The following ARID1B variants were observed in gnomAD, a reference collection of about 807,000 sequenced individuals.
The protein encoded by ARID1B is AT-rich interactive domain-containing protein 1B.
Under a neutral mutation model 212.3 loss-of-function variants are expected in ARID1B, and 30 were observed. That is an observed-to-expected ratio of 0.14 (90% CI 0.11 to 0.19). ARID1B has a LOEUF of 0.19. Ranked by LOEUF, ARID1B falls within the 10% of genes least tolerant of loss-of-function variation. The pLI is 1.00. For missense variants in ARID1B, 2,891 were observed against 3,204.0 expected (o/e 0.90, Z 2.36); for synonymous variants, 1,402 against 1,301.7 (o/e 1.08, Z -1.66).
intron 4 of ARID1B, among the ~76,000 whole-genome samples, chr6:157,067,892 A>G (rs1294086632): frequency 6.6e-6 from 1 of 152,194 alleles, no homozygotes; most frequent in Non-Finnish European, 1.5e-5. Context: ...TTAATTCCAC[A>G]GTCAACAATT....
intron 2 of ARID1B, among the ~76,000 whole-genome samples, chr6:156,882,452 A>G (rs1583208906): frequency 6.6e-6 from 1 of 152,206 alleles, no homozygotes; most frequent in East Asian, 1.9e-4. Context: ...ATTGCACAAT[A>G]AAGTATCAGT....
chr6:157,034,173 C>T (rs1001515595), intron 4 of ARID1B, among the ~76,000 whole-genome samples: 11 of 152,254 alleles, frequency 7.2e-5, no homozygotes, highest in Admixed American at 3.3e-4. Context: ...TTATTTTTGA[C>T]TGTATAATGG....
intron 8 of ARID1B, among the ~76,000 whole-genome samples, chr6:157,161,429 G>GTGTGTA (rs1790925997): frequency 3.7e-5 from 5 of 134,024 alleles, no homozygotes; most frequent in Admixed American, 3.6e-4. Flanking sequence ...GATTGTGTGT[G>GTGTGTA]TGTATATATA....
rs150201612 is a variant in ARID1B at position 156,816,035 on chromosome 6, G to A, written c.1792-13192G>A. On this transcript the variant is annotated intron_variant, in intron 1 of 19. Coordinates refer to ENST00000636930, the MANE Select transcript of ARID1B (RefSeq NM_001374828.1). Reference sequence around the variant, plus strand: ...TTATGAATCTTGAAGAATGGTGTGCGCTTTATACACATTTACCATTCTTAA... The same window carrying A: ...TTATGAATCTTGAAGAATGGTGTGCACTTTATACACATTTACCATTCTTAA... Among the ~76,000 whole-genome samples the A allele has an allele frequency of 4.6e-5, 7 of 152,118 alleles. No homozygotes were observed. The East Asian group carries it at 1.2e-3, about 25-fold the overall frequency.
intron 8 of ARID1B, among the ~76,000 whole-genome samples, chr6:157,161,142 CA>C (rs1263738312): frequency 6.6e-6 from 1 of 152,152 alleles, no homozygotes; most frequent in Non-Finnish European, 1.5e-5. Context: ...TCTCCCTGAG[CA>C]AAAGGGGTAG....
rs778592386 is a variant in ARID1B, at chr6:156,974,486, GAGA to G, written c.2247+38917_2247+38919del. Among the ~76,000 whole-genome samples, 9 of 152,282 alleles carry G rather than the reference GAGA, an allele frequency of 5.9e-5. No homozygotes were observed. In the South Asian group the frequency reaches 8.3e-4, roughly 14 times the overall value. On this transcript the variant is annotated intron_variant, in intron 4 of 19. Transcript: ENST00000636930. ...ACTGTTGTAATTTTGTTTAAGATTG[GAGA>G]AGAAGAGAAAGGTTAAATTGTTCCT...
intron 4 of ARID1B, among the ~76,000 whole-genome samples, chr6:156,946,467 G>A (rs1481255925): frequency 6.6e-6 from 1 of 152,212 alleles, no homozygotes; most frequent in East Asian, 1.9e-4. Context: ...AGGGCTTCCT[G>A]ACATCTATGT....
chr6:156,901,230 ATTTG>A (rs1273605554), intron 2 of ARID1B, 142 bp from the exon 3 acceptor site: 20 of 939,112 alleles, frequency 2.1e-5, no homozygotes, highest in Non-Finnish European at 3.2e-5. Context: ...CAGCGTGTCG[ATTTG>A]TTTAAGGAAG....
intron 8 of ARID1B, among the ~76,000 whole-genome samples, chr6:157,163,482 A>G (rs1227805150): frequency 1.3e-5 from 2 of 151,770 alleles, no homozygotes; most frequent in African/African-American, 4.8e-5. Flanking sequence ...AATTACCAAG[A>G]CTCTTGGCAG....
rs1554247039 is a variant in ARID1B, at chr6:156,777,857, GGGCGGCGGCGACGGC to G, written c.187_201del (p.Asp63_Gly67del). ...CGGCGGCACCGGGACCCATGCTGGG[GGGCGGCGGCGACGGC>G]GGCGGCGGCCTGAACAGTGTGCACC... On this transcript the variant is annotated inframe_deletion, in exon 1 of 20. Transcript: ENST00000636930. 9 of 1,337,300 alleles carry G rather than the reference GGGCGGCGGCGACGGC, an allele frequency of 6.7e-6. No individual in the cohort carries two copies. The highest frequency in any genetic ancestry group is 6.7e-6 in the Non-Finnish European group (7 of 1,050,412). 82.8% of individuals were successfully genotyped at this position (1,337,300 alleles called of 1,614,324 possible). A position where few individuals can be genotyped will look rare whatever the true frequency, so the allele number is the denominator to read the frequency against.
At chr6:157,075,434 A>G (rs911598756) in intron 4 of ARID1B, among the ~76,000 whole-genome samples, 3 of 152,252 alleles carry the variant, frequency 2.0e-5, no homozygotes, top group African/African-American at 7.2e-5. Context: ...GGATACTTGC[A>G]TAATTTCATA....
intron 6 of ARID1B, among the ~76,000 whole-genome samples, chr6:157,118,531 G>A (rs1787489591): frequency 6.6e-6 from 1 of 152,200 alleles, no homozygotes. Context: ...CCTTCTTTGT[G>A]ATGTGTGAAA....
At chr6:157,032,228 T>C (rs1781060980) in intron 4 of ARID1B, among the ~76,000 whole-genome samples, 1 of 152,270 alleles carries the variant, frequency 6.6e-6, no homozygotes, top group African/African-American at 2.4e-5. Context: ...TTTTAATTTC[T>C]TTACATTAAC....
chr6:156,784,816 G>A (rs1779523398), intron 1 of ARID1B, among the ~76,000 whole-genome samples: 1 of 152,206 alleles, frequency 6.6e-6, no homozygotes, highest in Non-Finnish European at 1.5e-5. Flanking sequence ...TTGGAGTGCA[G>A]TGGCGCGATC....
chr6:157,058,544 C>T (rs541471553), intron 4 of ARID1B, among the ~76,000 whole-genome samples: 2 of 152,316 alleles, frequency 1.3e-5, no homozygotes, highest in African/African-American at 4.8e-5. Context: ...GGATTACAGG[C>T]GTGAGCCACC....
chr6:156,840,783 T>C (rs1198830291), intron 2 of ARID1B, among the ~76,000 whole-genome samples: 2 of 69,198 alleles, frequency 2.9e-5, no homozygotes, highest in South Asian at 1.0e-3. Context: ...GCTGTCTTGC[T>C]GTGTCATGTC....
At chr6:156,888,738 G>C (rs1787707925) in intron 2 of ARID1B, among the ~76,000 whole-genome samples, 1 of 152,168 alleles carries the variant, frequency 6.6e-6, no homozygotes, top group African/African-American at 2.4e-5. Context: ...TGTTGCTTCT[G>C]TGAGCAGAAT....
rs1490013871 is a variant in ARID1B at position 157,203,625 on chromosome 6, A to G, written c.5264-241A>G. On this transcript the variant is annotated intron_variant, in intron 18 of 19. Transcript: ENST00000636930. The surrounding 1 kb of genome is among the most constrained non-coding windows in gnomAD (Gnocchi z 4.4). ...CTGTGCTCAACCACTCCACCTCCAGAAGCACTTTCGGCCCCTGCGTGACCA... is the reference window on the plus strand; with the variant it reads ...CTGTGCTCAACCACTCCACCTCCAGGAGCACTTTCGGCCCCTGCGTGACCA... The G allele has an allele frequency of 6.0e-6, 3 of 496,786 alleles. No individual in the cohort carries two copies. The highest frequency in any genetic ancestry group is 1.9e-5 in the African/African-American group (1 of 52,236). 30.8% of individuals were successfully genotyped at this position (496,786 alleles called of 1,614,324 possible).
intron 4 of ARID1B, among the ~76,000 whole-genome samples, chr6:157,026,184 A>G (rs1780652550): frequency 6.6e-6 from 1 of 152,210 alleles, no homozygotes; most frequent in South Asian, 2.1e-4. Flanking sequence ...AAGTGCTGGG[A>G]TTACAGGCAT....
Sources: allele counts gnomAD v4.1 joint callset (sites outside exome capture counted in the v4.1 genomes callset), GRCh38; gene constraint gnomAD v4.1.1; non-coding constraint Gnocchi (gnomAD v3.1); transcripts MANE v1.5; gene names NCBI Gene and HGNC (gene_info 2026-07-23, HGNC 2026-07-21).